OR56A4: variants seen among roughly 807,000 people sequenced by gnomAD.
OR56A4 encodes the protein olfactory receptor family 56 subfamily A member 4, also known as olfactory receptor 56A4.
OR56A4 carries 9 observed loss-of-function variants against 13.6 expected under a neutral mutation model. The observed-to-expected ratio is 0.66, with a 90% CI of 0.40 to 1.15. The LOEUF (loss-of-function observed/expected upper bound fraction) is 1.15, where lower values mean the gene tolerates loss of function less well. Ranked by LOEUF, OR56A4 falls within the 50% of genes most tolerant of loss-of-function variation. The pLI is 0.01. For missense variants in OR56A4, 380 were observed against 375.9 expected (o/e 1.01, Z -0.09); for synonymous variants, 167 against 153.9 (o/e 1.08, Z -0.63).
rs144089765 is a variant in OR56A4 at position 6,002,714 on chromosome 11, C to A, written c.279G>T (p.Arg93Ser). Reference sequence around the variant, plus strand: ...GGAAGCAGGCTGGGAAGCTGATCGACCTGAGGTCAAACCAGAAGATGGCCA... The same window carrying A: ...GGAAGCAGGCTGGGAAGCTGATCGAACTGAGGTCAAACCAGAAGATGGCCA... ...KVLAIFWFDL[R>S]SISFPACFLQ... Residue 93 changes from arginine (R) to serine (S), a missense_variant, in exon 3 of 3, where the codon AGG becomes AGT. Coordinates refer to ENST00000641156, the MANE Select transcript of OR56A4 (RefSeq NM_001005179.4). 1.5e-5 allele frequency: 24 copies of A among 1,614,052 alleles called. No individual in the cohort carries two copies. Among genetic ancestry groups the A allele is most frequent in the Non-Finnish European group, 1.9e-5 (22 of 1,180,040 alleles).
Position 6,005,262 on chromosome 11 carries a change from C to CA in OR56A4, c.-37+986dup, listed in dbSNP as rs576245192. Among the ~76,000 whole-genome samples, 414 of 151,646 alleles carry CA rather than the reference C, an allele frequency of 2.7e-3. 5 individuals are homozygous for CA. The highest frequency in any genetic ancestry group is 9.3e-3 in the African/African-American group (384 of 41,346). On this transcript the variant is annotated intron_variant, in intron 2 of 2. Transcript: ENST00000641156. ...GCAACAAGCTAAGAGCATCAAAGGA[C>CA]AAAAAAAATGAGGTAACATTTCGTG...
rs944461308 is a variant in OR56A4, at chr11:6,000,230, T to C, written c.*1821A>G. The C allele has an allele frequency of 2.6e-5, 4 of 152,214 alleles. No individual in the cohort carries two copies. The highest frequency in any genetic ancestry group is 9.6e-5 in the African/African-American group (4 of 41,510). 9.4% of individuals were successfully genotyped at this position (152,214 alleles called of 1,614,324 possible). ...AACCAAGCCAAATGTCCAACAATGG[T>C]AGACTGGATTAAGAAAATGTGGCAC... On this transcript the variant is annotated 3_prime_UTR_variant, in exon 3 of 3. Transcript: ENST00000641156.
chr11:6,006,419 G>A lies in OR56A4; in HGVS notation c.-191-16C>T, dbSNP rs1266243794. 6.6e-6 allele frequency: 1 copy of A among 152,174 alleles called. No individual in the cohort carries two copies. The highest frequency in any genetic ancestry group is 1.5e-5 in the Non-Finnish European group (1 of 68,038). The allele number at this position is 152,174 out of a possible 1,614,324, so 9.4% of individuals were successfully genotyped here. ...ATACCCTAGACTGATATTCACAAAGGAGTGGTCATTGTGGTTATTCATTCT... is the reference window on the plus strand; with the variant it reads ...ATACCCTAGACTGATATTCACAAAGAAGTGGTCATTGTGGTTATTCATTCT... On this transcript the variant is annotated splice_polypyrimidine_tract_variant and intron_variant, in intron 1 of 2. Coordinates refer to ENST00000641156, the MANE Select transcript of OR56A4 (RefSeq NM_001005179.4).
At chr11:6,004,421 T>G (rs1296662005) in intron 2 of OR56A4, among the ~76,000 whole-genome samples, 7 of 152,188 alleles carry the variant, frequency 4.6e-5, no homozygotes, top group African/African-American at 1.7e-4. Flanking sequence ...GACTGATCTT[T>G]CACCCCTGTC....
intron 2 of OR56A4, among the ~76,000 whole-genome samples, chr11:6,005,646 T>C (rs1848252816): frequency 6.6e-6 from 1 of 152,224 alleles, no homozygotes; most frequent in Admixed American, 6.5e-5. Context: ...ATCTTGTAGT[T>C]CTGGAAGCTA....
At chr11:6,004,616 C>T (rs1848243813) in intron 2 of OR56A4, among the ~76,000 whole-genome samples, 1 of 152,124 alleles carries the variant, frequency 6.6e-6, no homozygotes, top group Admixed American at 6.5e-5. Flanking sequence ...CATTGTAGGG[C>T]CTTAAAACAA....
chr11:6,006,021 A>C (rs1178325725), intron 2 of OR56A4, among the ~76,000 whole-genome samples: 1 of 152,242 alleles, frequency 6.6e-6, no homozygotes, highest in Non-Finnish European at 1.5e-5. Flanking sequence ...AGATCTGAAC[A>C]AAAGTAATAA....
At position 6,002,327 on chromosome 11, in the gene OR56A4, A is replaced by G; in HGVS notation, c.666T>C (p.Ser222=). 1 of 1,614,196 alleles carries G rather than the reference A, an allele frequency of 6.2e-7. No individual in the cohort carries two copies. The highest frequency in any genetic ancestry group is 8.5e-7 in the Non-Finnish European group (1 of 1,180,008). Reference sequence around the variant, plus strand: ...TCCTAAGCACAACTTTCAATATAAAAGAATAGGAGATAACAATAAGGATAA... The same window carrying G: ...TCCTAAGCACAACTTTCAATATAAAGGAATAGGAGATAACAATAAGGATAA... ...SDLILIVISY[S]FILKVVLRIK... is the part of the protein sequence containing the mutation. Residue 222 remains serine (S), a synonymous_variant, in exon 3 of 3, where the codon TCT becomes TCC. Transcript: ENST00000641156.
chr11:6,004,791 T>C (rs567981680), intron 2 of OR56A4, among the ~76,000 whole-genome samples: 2 of 152,332 alleles, frequency 1.3e-5, no homozygotes, highest in South Asian at 4.1e-4. Context: ...TAATCTCAAG[T>C]ATAGCTACTC....
chr11:6,003,748 T>C (rs560348942), intron 2 of OR56A4, among the ~76,000 whole-genome samples: 29 of 152,244 alleles, frequency 1.9e-4, no homozygotes, highest in African/African-American at 6.7e-4. Flanking sequence ...TTGTGTGAAA[T>C]GATGTTACAT....
intron 1 of OR56A4, among the ~76,000 whole-genome samples, chr11:6,006,675 G>C (rs1848261770): frequency 6.6e-6 from 1 of 152,174 alleles, no homozygotes; most frequent in South Asian, 2.1e-4. Flanking sequence ...AGGAGTCTTT[G>C]AGCCTACAGA....
Position 6,000,794 on chromosome 11 carries a change from G to A in OR56A4, c.*1257C>T, listed in dbSNP as rs925007632. 1 of 152,150 alleles carries A rather than the reference G, an allele frequency of 6.6e-6. No individual in the cohort carries two copies. The highest frequency in any genetic ancestry group is 1.5e-5 in the Non-Finnish European group (1 of 68,028). The allele number at this position is 152,150 out of a possible 1,614,324, so 9.4% of individuals were successfully genotyped here. A position where few individuals can be genotyped will look rare whatever the true frequency, so the allele number is the denominator to read the frequency against. ...TGGCTACAGTGGCAGAGAAAACAAA[G>A]TTTAAGATAAGTCGAAAGTATGTTA... is the stretch of plus-strand genomic sequence containing the variant. On this transcript the variant is annotated 3_prime_UTR_variant, in exon 3 of 3. Coordinates refer to ENST00000641156, the MANE Select transcript of OR56A4 (RefSeq NM_001005179.4).
At chr11:6,005,148 G>A (rs963271956) in intron 2 of OR56A4, among the ~76,000 whole-genome samples, 5 of 152,144 alleles carry the variant, frequency 3.3e-5, no homozygotes, top group African/African-American at 1.2e-4. Context: ...TCTCACAAAT[G>A]AAATAGAATA....
In OR56A4 at chr11:6,000,560, A is replaced by C. The variant is rs1383902921; in HGVS notation, c.*1491T>G. 1 of 152,210 alleles carries C rather than the reference A, an allele frequency of 6.6e-6. No individual in the cohort carries two copies. The highest frequency in any genetic ancestry group is 1.5e-5 in the Non-Finnish European group (1 of 68,046). 9.4% of individuals were successfully genotyped at this position (152,210 alleles called of 1,614,324 possible). ...GCACGCCAACATGGCACATGTATAC[A>C]TATGTAACAAACCTGCACATTGTGC... On this transcript the variant is annotated 3_prime_UTR_variant, in exon 3 of 3. Coordinates refer to ENST00000641156, the MANE Select transcript of OR56A4 (RefSeq NM_001005179.4).
At chr11:6,004,583 T>C (rs1350119759) in intron 2 of OR56A4, among the ~76,000 whole-genome samples, 2 of 152,188 alleles carry the variant, frequency 1.3e-5, no homozygotes, top group Non-Finnish European at 2.9e-5. Context: ...TTATACAATA[T>C]ACATTATTTA....
In OR56A4 at chr11:6,001,976, A is replaced by G; in HGVS notation, c.*75T>C. 7.0e-7 allele frequency: 1 copy of G among 1,428,930 alleles called. No homozygotes were observed. The highest frequency in any genetic ancestry group is 9.4e-7 in the Non-Finnish European group (1 of 1,068,710). The allele number at this position is 1,428,930 out of a possible 1,614,324, so 88.5% of individuals were successfully genotyped here. ...TTTAAAGTGAAATTTCCTTTCCAACATAAAATTAATTCCCTATTTCCCAAT... is the reference window on the plus strand; with the variant it reads ...TTTAAAGTGAAATTTCCTTTCCAACGTAAAATTAATTCCCTATTTCCCAAT... On this transcript the variant is annotated 3_prime_UTR_variant, in exon 3 of 3. Transcript: ENST00000641156.
chr11:6,003,439 C>A (rs1455881077), intron 2 of OR56A4, among the ~76,000 whole-genome samples: 1 of 152,036 alleles, frequency 6.6e-6, no homozygotes, highest in Non-Finnish European at 1.5e-5. Context: ...ATTTCTCAAC[C>A]CACTTATTCC....
At chr11:6,005,020 T>C (rs1211719214) in intron 2 of OR56A4, among the ~76,000 whole-genome samples, 1 of 152,136 alleles carries the variant, frequency 6.6e-6, no homozygotes, top group Non-Finnish European at 1.5e-5. Flanking sequence ...ATATTTCACA[T>C]AATGAAGCAG....
intron 2 of OR56A4, among the ~76,000 whole-genome samples, chr11:6,004,279 G>C (rs1326849653): frequency 6.6e-6 from 1 of 152,034 alleles, no homozygotes; most frequent in Admixed American, 6.6e-5. Flanking sequence ...AACCAGACCT[G>C]GGGGGCGGAG....
Sources: allele counts gnomAD v4.1 joint callset (sites outside exome capture counted in the v4.1 genomes callset), GRCh38; gene constraint gnomAD v4.1.1; transcripts MANE v1.5; gene names NCBI Gene and HGNC (gene_info 2026-07-23, HGNC 2026-07-21).